Variants in ADGRB3 observed in about 807,000 individuals in gnomAD.
The protein encoded by ADGRB3 is adhesion G protein-coupled receptor B3, also known as brain-specific angiogenesis inhibitor 3.
Under a neutral mutation model 193.4 loss-of-function variants are expected in ADGRB3, and 37 were observed. The ratio of observed to expected loss-of-function variants is 0.19; its 90% confidence interval spans 0.15 to 0.25. The LOEUF is 0.25. ADGRB3 is among the 10% of genes least tolerant of loss of function. ADGRB3 has a pLI of 1.00. For missense variants in ADGRB3, 1,637 were observed against 1,852.9 expected, an observed-to-expected ratio of 0.88 and a Z score of 2.14; for synonymous variants, 690 against 644.2, an observed-to-expected ratio of 1.07 and a Z score of -1.08.
At chr6:69,232,150 A>G (rs979756758) in intron 17 of ADGRB3, among the ~76,000 whole-genome samples, 7 of 152,328 alleles carry the variant, frequency 4.6e-5, no homozygotes, top group Non-Finnish European at 1.0e-4. Flanking sequence ...TTAAACACAC[A>G]CACATACAGG....
At chr6:69,297,376 CTCTCTCTCTCTCTCTA>C (rs1767848526) in intron 20 of ADGRB3, among the ~76,000 whole-genome samples, 1 of 133,986 alleles carries the variant, frequency 7.5e-6, no homozygotes, top group Non-Finnish European at 1.6e-5. Context: ...CTTTCTCTCT[CTCTCTCTCTCTCTCTA>C]TCTCTCTCTC....
At chr6:68,990,996 C>T (rs1769221924) in intron 10 of ADGRB3, among the ~76,000 whole-genome samples, 2 of 152,134 alleles carry the variant, frequency 1.3e-5, no homozygotes, top group African/African-American at 4.8e-5. Flanking sequence ...CCTCACCCTT[C>T]ATGCATATCC....
At chr6:69,168,722 G>C (rs1478071058) in intron 17 of ADGRB3, among the ~76,000 whole-genome samples, 2 of 151,946 alleles carry the variant, frequency 1.3e-5, no homozygotes, top group African/African-American at 4.8e-5. Context: ...TGCAAGATGT[G>C]ATTTCATAGT....
At chr6:68,967,251 T>C (rs909446657) in intron 8 of ADGRB3, among the ~76,000 whole-genome samples, 6 of 152,244 alleles carry the variant, frequency 3.9e-5, no homozygotes, top group Non-Finnish European at 7.3e-5. Flanking sequence ...TAAAAAATTA[T>C]TGACTTTTGC....
At chr6:68,675,552 A>G (rs1769069020) in intron 3 of ADGRB3, among the ~76,000 whole-genome samples, 1 of 152,218 alleles carries the variant, frequency 6.6e-6, no homozygotes, top group Admixed American at 6.5e-5. Context: ...GCATGCATAT[A>G]TGATTGAAAG....
At chr6:69,093,211 C>A (rs1017516682) in intron 17 of ADGRB3, among the ~76,000 whole-genome samples, 1 of 147,590 alleles carries the variant, frequency 6.8e-6, no homozygotes, top group African/African-American at 2.5e-5. Context: ...GCAAAACAGG[C>A]TAAGGGAGAG....
intron 15 of ADGRB3, among the ~76,000 whole-genome samples, chr6:69,054,029 T>A (rs1311989354): frequency 6.6e-6 from 1 of 152,124 alleles, no homozygotes; most frequent in Non-Finnish European, 1.5e-5. Flanking sequence ...TGTTAAGACA[T>A]GAAAAATGTA....
At chr6:68,901,020 C>T (rs1207186526) in intron 3 of ADGRB3, among the ~76,000 whole-genome samples, 1 of 152,120 alleles carries the variant, frequency 6.6e-6, no homozygotes, top group South Asian at 2.1e-4. Context: ...ATTGTTCTTA[C>T]CATGAGCCCT....
chr6:68,944,548 A>G (rs995184501), intron 6 of ADGRB3, among the ~76,000 whole-genome samples: 2 of 152,092 alleles, frequency 1.3e-5, no homozygotes, highest in Non-Finnish European at 2.9e-5. Context: ...TATTTATGTT[A>G]TCTTAAATTT....
At chr6:68,871,361 G>T (rs976964584) in intron 3 of ADGRB3, among the ~76,000 whole-genome samples, 2 of 152,156 alleles carry the variant, frequency 1.3e-5, no homozygotes, top group African/African-American at 4.8e-5. Context: ...GTGAAGACTT[G>T]CATTAATTCC....
chr6:68,873,587 A>AT (rs1391820524), intron 3 of ADGRB3, among the ~76,000 whole-genome samples: 3 of 152,174 alleles, frequency 2.0e-5, no homozygotes, highest in Non-Finnish European at 4.4e-5. Context: ...CCTGAGGGAA[A>AT]TTTCATGATT....
chr6:69,192,239 T>C (rs1324514234), intron 17 of ADGRB3, among the ~76,000 whole-genome samples: 1 of 152,134 alleles, frequency 6.6e-6, no homozygotes, highest in Admixed American at 6.5e-5. Flanking sequence ...GCCTTCAGTC[T>C]GCGGTCAAAG....
chr6:68,722,508 T>C (rs1025314304), intron 3 of ADGRB3, among the ~76,000 whole-genome samples: 2 of 151,682 alleles, frequency 1.3e-5, no homozygotes, highest in Admixed American at 6.6e-5. Context: ...TTGAGGTATA[T>C]ATTTGTGGCT....
intron 3 of ADGRB3, among the ~76,000 whole-genome samples, chr6:68,742,303 A>G (rs1234728492): frequency 6.6e-6 from 1 of 152,196 alleles, no homozygotes; most frequent in East Asian, 1.9e-4. Context: ...TTATGTCTCA[A>G]CATAAATATA....
At chr6:68,960,803 G>C (rs983116856) in intron 8 of ADGRB3, among the ~76,000 whole-genome samples, 4 of 152,104 alleles carry the variant, frequency 2.6e-5, no homozygotes, top group African/African-American at 7.2e-5. Context: ...GACCCCACCA[G>C]CCATTCTGAC....
chr6:69,313,730 T>C (rs1418271729), intron 20 of ADGRB3, among the ~76,000 whole-genome samples: 1 of 151,756 alleles, frequency 6.6e-6, no homozygotes, highest in East Asian at 1.9e-4. Context: ...GTTTACAACA[T>C]GGTTTTTACC....
At chr6:68,882,887 T>G (rs1440564961) in intron 3 of ADGRB3, among the ~76,000 whole-genome samples, 7 of 152,032 alleles carry the variant, frequency 4.6e-5, no homozygotes, top group Non-Finnish European at 8.8e-5. Context: ...ATTACTAGTT[T>G]TTTTTTTGTT....
At chr6:68,996,273 C>T (rs1769379169) in intron 11 of ADGRB3, among the ~76,000 whole-genome samples, 2 of 152,226 alleles carry the variant, frequency 1.3e-5, no homozygotes, top group East Asian at 1.9e-4. Context: ...TACTGTCATC[C>T]AGGTCAGCCT....
chr6:68,988,750 A>G (rs9446082), intron 10 of ADGRB3, among the ~76,000 whole-genome samples: 40,021 of 152,018 alleles, frequency 0.26, 5,551 homozygotes, highest in Middle Eastern at 0.42. Context: ...CACCTCTCAC[A>G]CAAGCAGCGA....
Sources: allele counts gnomAD v4.1 joint callset (sites outside exome capture counted in the v4.1 genomes callset), GRCh38; gene constraint gnomAD v4.1.1; transcripts MANE v1.5; gene names NCBI Gene and HGNC (gene_info 2026-07-23, HGNC 2026-07-21).